PRKCA: variants seen among roughly 807,000 people sequenced by gnomAD.
PRKCA encodes protein kinase C alpha type.
PRKCA carries 27 observed loss-of-function variants against 87.0 expected under a neutral mutation model. The ratio of observed to expected loss-of-function variants is 0.31; its 90% CI spans 0.23 to 0.43. The LOEUF (loss-of-function observed/expected upper bound fraction) is 0.43. Among genes scored for constraint, PRKCA ranks in the 20% least tolerant of loss-of-function variants. The pLI is 1.00. For missense variants in PRKCA, 518 were observed against 852.3 expected (o/e 0.61, Z 4.88); for synonymous variants, 329 against 311.1 (o/e 1.06, Z -0.61).
At chr17:66,515,804 CAG>C (rs1286293144) in intron 3 of PRKCA, among the ~76,000 whole-genome samples, 1 of 152,188 alleles carries the variant, frequency 6.6e-6, no homozygotes, top group African/African-American at 2.4e-5. Context: ...CTCGGCTTTG[CAG>C]AGTGTTGGGA....
chr17:66,475,935 C>T (rs964645501), intron 2 of PRKCA, among the ~76,000 whole-genome samples: 8 of 152,090 alleles, frequency 5.3e-5, no homozygotes, highest in African/African-American at 9.7e-5. Flanking sequence ...CTTGCTCTGT[C>T]GCCCAGGCTG....
At chr17:66,550,271 G>C (rs1331845175) in intron 3 of PRKCA, among the ~76,000 whole-genome samples, 1 of 152,086 alleles carries the variant, frequency 6.6e-6, no homozygotes, top group African/African-American at 2.4e-5. Flanking sequence ...GGTCTTCCTG[G>C]GTGTAGGTCC....
intron 2 of PRKCA, among the ~76,000 whole-genome samples, chr17:66,311,970 T>C (rs980905255): frequency 6.6e-6 from 1 of 152,154 alleles, no homozygotes. Flanking sequence ...TGTTTGAGTT[T>C]CCTTTTCTTT....
intron 3 of PRKCA, among the ~76,000 whole-genome samples, chr17:66,619,131 C>T (rs185402597): frequency 9.9e-5 from 15 of 151,988 alleles, no homozygotes; most frequent in Non-Finnish European, 1.9e-4. Context: ...AAGCTAGGGT[C>T]GGGAAACTAG....
intron 8 of PRKCA, among the ~76,000 whole-genome samples, chr17:66,723,192 C>G (rs986829390): frequency 1.3e-5 from 2 of 152,208 alleles, no homozygotes; most frequent in Non-Finnish European, 2.9e-5. Context: ...AGTTAGCCCA[C>G]AGAACTCTAG....
At chr17:66,629,775 T>C (rs1970958811) in intron 3 of PRKCA, among the ~76,000 whole-genome samples, 1 of 152,072 alleles carries the variant, frequency 6.6e-6, no homozygotes, top group South Asian at 2.1e-4. Flanking sequence ...GAGGGTGGCA[T>C]GGGGGAGCTT....
intron 2 of PRKCA, among the ~76,000 whole-genome samples, chr17:66,388,410 TC>T (rs1310808003): frequency 6.6e-6 from 1 of 152,110 alleles, no homozygotes; most frequent in Non-Finnish European, 1.5e-5. Context: ...TTCTCTTGCT[TC>T]AGCTTCCCAA....
chr17:66,549,805 G>A (rs755880080), intron 3 of PRKCA, among the ~76,000 whole-genome samples: 7 of 152,036 alleles, frequency 4.6e-5, no homozygotes, highest in Non-Finnish European at 8.8e-5. Flanking sequence ...GTTCTTATTT[G>A]CCCCTTTTTA....
intron 5 of PRKCA, among the ~76,000 whole-genome samples, chr17:66,661,186 A>G (rs150019026): frequency 1.4e-3 from 213 of 152,018 alleles, no homozygotes; most frequent in African/African-American, 4.9e-3. Context: ...TTGCAGCTGC[A>G]TGTCTTCTAC....
At chr17:66,796,399 G>T in intron 16 of PRKCA, 6 of 979,136 alleles carry the variant, frequency 6.1e-6, no homozygotes, top group Non-Finnish European at 7.3e-6. Context: ...GCAAGGCCAG[G>T]AACTGACTAT....
At chr17:66,371,135 C>G (rs1050069976) in intron 2 of PRKCA, among the ~76,000 whole-genome samples, 1 of 152,160 alleles carries the variant, frequency 6.6e-6, no homozygotes, top group Non-Finnish European at 1.5e-5. Context: ...CCAAGTTCCC[C>G]CATCTTTGGC....
intron 8 of PRKCA, among the ~76,000 whole-genome samples, chr17:66,710,372 G>A (rs1196545893): frequency 6.6e-6 from 1 of 151,396 alleles, no homozygotes; most frequent in East Asian, 1.9e-4. Flanking sequence ...CACTAATTGT[G>A]TGTAGCACTT....
Position 66,502,320 on chromosome 17 carries a change from C to T in PRKCA, c.288+6037C>T, listed in dbSNP as rs144139926. The stretch of plus-strand genomic sequence containing the variant: ...CGCGATCTTGGCTCACTGCAGCCTC[C>T]ACCTCCCGGATTCAAGCGATTCTCT... On this transcript the variant is annotated intron_variant, in intron 3 of 16. Transcript: ENST00000413366. Among the ~76,000 whole-genome samples, 651 of 151,844 alleles carry T rather than the reference C, an allele frequency of 4.3e-3. 9 individuals are homozygous for T. Among genetic ancestry groups the T allele is most frequent in the African/African-American group, 0.015 (630 of 41,408 alleles).
At position 66,512,457 on chromosome 17, in the gene PRKCA, A is replaced by AGTGTGTGTGTGTGT. The variant is rs71160573; in HGVS notation, c.288+16195_288+16208dup. Among the ~76,000 whole-genome samples, 31 of 144,472 alleles carry AGTGTGTGTGTGTGT rather than the reference A, an allele frequency of 2.1e-4. No homozygotes were observed. The East Asian group carries it at 6.0e-3, about 28-fold the overall frequency. 94.8% of individuals were successfully genotyped at this position (144,472 alleles called of 152,430 possible). ...CCCTGTCTCCAACAACAACAAAAAA[A>AGTGTGTGTGTGTGT]GTGTGTGTGTGTGTGTGTGTGTGTG... On this transcript the variant is annotated intron_variant, in intron 3 of 16. Transcript: ENST00000413366.
chr17:66,720,605 A>G (rs1205724034), intron 8 of PRKCA, among the ~76,000 whole-genome samples: 3 of 152,222 alleles, frequency 2.0e-5, no homozygotes, highest in Admixed American at 2.0e-4. Context: ...TGTGCTGGGC[A>G]TCCTTGGTTA....
At chr17:66,632,055 T>G (rs1053003462) in intron 3 of PRKCA, among the ~76,000 whole-genome samples, 9 of 152,150 alleles carry the variant, frequency 5.9e-5, no homozygotes, top group Non-Finnish European at 8.8e-5. Context: ...GTAGAGAAAC[T>G]GCCAACAAAG....
intron 2 of PRKCA, among the ~76,000 whole-genome samples, chr17:66,418,594 G>A (rs1053214937): frequency 2.0e-5 from 3 of 151,382 alleles, no homozygotes. Context: ...ATGTCACCAC[G>A]CCTGGCTAAT....
chr17:66,379,825 C>A (rs887813960), intron 2 of PRKCA, among the ~76,000 whole-genome samples: 3 of 152,096 alleles, frequency 2.0e-5, no homozygotes, highest in Admixed American at 2.0e-4. Flanking sequence ...TCCTTTGTTC[C>A]AAGAATTTTA....
chr17:66,688,835 A>G (rs1176680272), intron 7 of PRKCA, 116 bp from the exon 8 acceptor site: 3 of 684,438 alleles, frequency 4.4e-6, no homozygotes, highest in Non-Finnish European at 7.7e-6. Flanking sequence ...TCAAATGTCT[A>G]CTGATCTGGC....
Sources: allele counts gnomAD v4.1 joint callset (sites outside exome capture counted in the v4.1 genomes callset), GRCh38; gene constraint gnomAD v4.1.1; transcripts MANE v1.5; gene names NCBI Gene and HGNC (gene_info 2026-07-23, HGNC 2026-07-21).